Variants in ADAM18 observed in about 807,000 individuals in gnomAD.
ADAM18 encodes the protein ADAM metallopeptidase domain 18, also known as disintegrin and metalloproteinase domain-containing protein 18.
A neutral mutation model predicts 94.4 loss-of-function variants in ADAM18; 117 were observed. That is an observed-to-expected ratio of 1.24 (90% CI 1.07 to 1.45). The LOEUF (loss-of-function observed/expected upper bound fraction) is 1.45, where lower values mean the gene tolerates loss of function less well. ADAM18 is among the 40% of genes most tolerant of loss of function. The pLI, the probability that ADAM18 is intolerant of heterozygous loss-of-function variation, is 0.00. For missense variants in ADAM18, 936 were observed against 880.0 expected (o/e 1.06, Z -0.81); for synonymous variants, 327 against 291.6 (o/e 1.12, Z -1.24).
chr8:39,596,135 G>A (rs1385585855), intron 2 of ADAM18, among the ~76,000 whole-genome samples: 8 of 152,030 alleles, frequency 5.3e-5, no homozygotes, highest in African/African-American at 1.7e-4. Context: ...ATGGATGTGC[G>A]GCCTCGCTGA....
At chr8:39,615,548 G>A (rs1819411675) in intron 6 of ADAM18, among the ~76,000 whole-genome samples, 1 of 152,098 alleles carries the variant, frequency 6.6e-6, no homozygotes, top group African/African-American at 2.4e-5. Context: ...AACAAACTAG[G>A]TATTGAAGGA....
chr8:39,618,673 G>T (rs1663351050), intron 6 of ADAM18, among the ~76,000 whole-genome samples: 1 of 152,148 alleles, frequency 6.6e-6, no homozygotes, highest in Non-Finnish European at 1.5e-5. Flanking sequence ...GCCTAGAAGA[G>T]CCGTGGCAAG....
At chr8:39,621,111 A>G (rs1004617603) in intron 6 of ADAM18, among the ~76,000 whole-genome samples, 1 of 152,146 alleles carries the variant, frequency 6.6e-6, no homozygotes, top group Non-Finnish European at 1.5e-5. Flanking sequence ...AAGAATAGCC[A>G]AAACATTAAG....
intron 5 of ADAM18, among the ~76,000 whole-genome samples, chr8:39,610,292 T>C (rs2129578481): frequency 6.6e-6 from 1 of 152,222 alleles, no homozygotes; most frequent in Non-Finnish European, 1.5e-5. Context: ...GTGATTGCCT[T>C]ACAAAAATGT....
In ADAM18 at chr8:39,609,466, T is replaced by C; in HGVS notation, c.268-19T>C. On this transcript the variant is annotated intron_variant, in intron 4 of 19. Coordinates refer to ENST00000265707, the MANE Select transcript of ADAM18 (RefSeq NM_014237.3). ...TTCACAACGAATTTATATACTTGCC[T>C]TTCTATACTGTTTTTCAGATGCATT... The C allele has an allele frequency of 6.3e-7, 1 of 1,594,078 alleles. No homozygotes were observed. The highest frequency in any genetic ancestry group is 8.6e-7 in the Non-Finnish European group (1 of 1,163,614).
intron 15 of ADAM18, among the ~76,000 whole-genome samples, chr8:39,678,608 C>T (rs1303380950): frequency 6.6e-6 from 1 of 152,110 alleles, no homozygotes; most frequent in Non-Finnish European, 1.5e-5. Flanking sequence ...CACAGTGGAT[C>T]CCAACAAAGA....
At position 39,610,647 on chromosome 8, in the gene ADAM18, G is replaced by A. The variant is rs375908521; in HGVS notation, c.463G>A (p.Val155Ile). 27 of 1,612,882 alleles carry A rather than the reference G, an allele frequency of 1.7e-5. No individual in the cohort carries two copies. Among genetic ancestry groups the A allele is most frequent in the Admixed American group, 3.3e-5 (2 of 59,944 alleles). Residue 155 changes from valine (V) to isoleucine (I), a missense_variant, in exon 6 of 20, where the codon GTA becomes ATA. Coordinates refer to ENST00000265707, the MANE Select transcript of ADAM18 (RefSeq NM_014237.3). ...NNDPNVSILA[V>I]NYSHIWQKDQ... ...TGATCCAAATGTATCCATTTTAGCA[G>A]TAAATTACAGTCATATTTGGCAGAA...
intron 4 of ADAM18, 27 bp downstream of exon 4, chr8:39,609,147 G>C (rs773197847): frequency 3.7e-6 from 5 of 1,347,004 alleles, no homozygotes; most frequent in Non-Finnish European, 5.2e-6. Context: ...TATTTTTTTT[G>C]TTAAAGTGGT....
chr8:39,663,171 T>C (rs1820889952), intron 12 of ADAM18, among the ~76,000 whole-genome samples: 1 of 152,138 alleles, frequency 6.6e-6, no homozygotes, highest in South Asian at 2.1e-4. Context: ...GGATATGTTT[T>C]GGTGTTGGTA....
At chr8:39,655,563 A>G (rs569004025) in intron 12 of ADAM18, among the ~76,000 whole-genome samples, 1 of 152,130 alleles carries the variant, frequency 6.6e-6, no homozygotes, top group African/African-American at 2.4e-5. Flanking sequence ...CATGCATAAC[A>G]GTTGTTCTCA....
At chr8:39,641,585 T>C (rs962917817) in intron 10 of ADAM18, among the ~76,000 whole-genome samples, 2 of 152,030 alleles carry the variant, frequency 1.3e-5, no homozygotes, top group East Asian at 3.9e-4. Flanking sequence ...ATTCTAGGTG[T>C]CCATGTGTTC....
chr8:39,703,244 T>G (rs548299184), intron 17 of ADAM18, among the ~76,000 whole-genome samples: 1 of 152,306 alleles, frequency 6.6e-6, no homozygotes, highest in South Asian at 2.1e-4. Flanking sequence ...TTGTGGCAAT[T>G]GTGAATGGGA....
At chr8:39,637,196 C>A in intron 7 of ADAM18, 68 bp from the exon 8 acceptor site, 1 of 1,218,566 alleles carries the variant, frequency 8.2e-7, no homozygotes, top group Non-Finnish European at 1.2e-6. Context: ...TAATACAATG[C>A]CTAAATATCA....
chr8:39,635,146 G>C lies in ADAM18; in HGVS notation c.589-2118G>C, dbSNP rs540416062. Among the ~76,000 whole-genome samples the C allele has an allele frequency of 1.2e-4, 18 of 152,268 alleles. 1 individual carries two copies. Among genetic ancestry groups the C allele is most frequent in the Admixed American group, 1.0e-3 (16 of 15,288 alleles). On this transcript the variant is annotated intron_variant, in intron 7 of 19. Coordinates refer to ENST00000265707, the MANE Select transcript of ADAM18 (RefSeq NM_014237.3). ...AAGGCCCTCACCAGACCAGATGCTAGCAACTTGTTCTTGGACTTCTCCACT... is the reference window on the plus strand; with the variant it reads ...AAGGCCCTCACCAGACCAGATGCTACCAACTTGTTCTTGGACTTCTCCACT...
At chr8:39,689,144 C>T (rs1401970962) in intron 16 of ADAM18, among the ~76,000 whole-genome samples, 1 of 151,978 alleles carries the variant, frequency 6.6e-6, no homozygotes, top group African/African-American at 2.4e-5. Context: ...TATTTTCTGC[C>T]ATTCTGTAGG....
chr8:39,655,514 T>A (rs938999667), intron 12 of ADAM18, among the ~76,000 whole-genome samples: 1 of 152,150 alleles, frequency 6.6e-6, no homozygotes, highest in African/African-American at 2.4e-5. Flanking sequence ...AAACTCACTA[T>A]ATTTAAGAAA....
In ADAM18 at chr8:39,602,592, G is replaced by A. The variant is rs139470780; in HGVS notation, c.133-3715G>A. On this transcript the variant is annotated intron_variant, in intron 2 of 19. Coordinates refer to ENST00000265707, the MANE Select transcript of ADAM18 (RefSeq NM_014237.3). ...TGGTCTAAGATTTTAAAAATATACC[G>A]TTATTTTCCATCTGTATATCTTCTT... Among the ~76,000 whole-genome samples the A allele has an allele frequency of 1.8e-3, 279 of 152,016 alleles. 4 individuals are homozygous for A. Among genetic ancestry groups the A allele is most frequent in the African/African-American group, 6.4e-3 (266 of 41,496 alleles).
At chr8:39,673,997 G>A (rs1821228648) in intron 14 of ADAM18, among the ~76,000 whole-genome samples, 2 of 152,104 alleles carry the variant, frequency 1.3e-5, no homozygotes, top group Admixed American at 1.3e-4. Context: ...ACAGTTCGTT[G>A]TGATTTCTGT....
At chr8:39,706,614 T>C (rs1469443087) in intron 17 of ADAM18, among the ~76,000 whole-genome samples, 176 bp from the exon 18 acceptor site, 7 of 152,182 alleles carry the variant, frequency 4.6e-5, no homozygotes, top group African/African-American at 4.8e-5. Context: ...TTGGCCATTA[T>C]GTTGTCAAAA....
Sources: allele counts gnomAD v4.1 joint callset (sites outside exome capture counted in the v4.1 genomes callset), GRCh38; gene constraint gnomAD v4.1.1; transcripts MANE v1.5; gene names NCBI Gene and HGNC (gene_info 2026-07-23, HGNC 2026-07-21).